The following PDXK variants were observed in gnomAD, a reference collection of about 807,000 sequenced individuals.
The protein encoded by PDXK is pyridoxal kinase.
PDXK carries 15 observed loss-of-function variants against 43.2 expected under a neutral mutation model. That is an observed-to-expected ratio of 0.35 (90% CI 0.23 to 0.53). The LOEUF (loss-of-function observed/expected upper bound fraction) is 0.53, where lower values mean the gene tolerates loss of function less well. Ranked by LOEUF, PDXK falls within the 20% of genes least tolerant of loss-of-function variation. The pLI, the probability that PDXK is intolerant of heterozygous loss-of-function variation, is 0.92. For missense variants in PDXK, 343 were observed against 417.0 expected, an observed-to-expected ratio of 0.82 and a Z score of 1.54; for synonymous variants, 172 against 165.4, an observed-to-expected ratio of 1.04 and a Z score of -0.31.
At chr21:43,726,302 T>TTA (rs2083253356) in intron 1 of PDXK, among the ~76,000 whole-genome samples, 12 of 139,850 alleles carry the variant, frequency 8.6e-5, no homozygotes. Flanking sequence ...AGACGGAGTC[T>TTA]CACTCTGTCA....
chr21:43,739,861 G>A (rs188774946), intron 2 of PDXK, among the ~76,000 whole-genome samples: 2 of 151,914 alleles, frequency 1.3e-5, no homozygotes, highest in East Asian at 3.9e-4. Flanking sequence ...AAAGGACCAG[G>A]AGGGACCATT....
Position 43,741,551 on chromosome 21 carries a change from A to G in PDXK, c.143-116A>G, listed in dbSNP as rs73375216. ...ATCTCCTTCGGGTTTGAGCCAGTCC[A>G]TGGGGAGGAGCCGTCCACCAGGCAG... On this transcript the variant is annotated intron_variant, in intron 2 of 10. Coordinates refer to ENST00000291565, the MANE Select transcript of PDXK (RefSeq NM_003681.5). The G allele has an allele frequency of 7.3e-3, 11,103 of 1,524,412 alleles. 772 individuals are homozygous for G. In the African/African-American group the frequency reaches 0.14, roughly 19 times the overall value. 94.4% of individuals were successfully genotyped at this position (1,524,412 alleles called of 1,614,324 possible).
chr21:43,753,445 C>A, intron 8 of PDXK, 138 bp from the exon 9 acceptor site: 1 of 749,008 alleles, frequency 1.3e-6, no homozygotes, highest in Non-Finnish European at 2.1e-6. Context: ...CCTGAGCCCC[C>A]ACGTCCTGAG....
rs1568978803 is a variant in PDXK, at chr21:43,737,011, C to T, written c.142+2888C>T. ...GTGAAGTGGCGCAACCAGCTCACTGCAGCCTTGACCTCCTGGGCTGAAGCA... is the reference window on the plus strand; with the variant it reads ...GTGAAGTGGCGCAACCAGCTCACTGTAGCCTTGACCTCCTGGGCTGAAGCA... On this transcript the variant is annotated intron_variant, in intron 2 of 10. Coordinates refer to ENST00000291565, the MANE Select transcript of PDXK (RefSeq NM_003681.5). This position sits in a 1 kb window ranked among gnomAD's most constrained non-coding sequence, Gnocchi z 4.8. 4.2e-6 allele frequency: 3 copies of T among 706,406 alleles called. No homozygotes were observed. Among genetic ancestry groups the T allele is most frequent in the Non-Finnish European group, 7.7e-6 (3 of 388,414 alleles). The allele number at this position is 706,406 out of a possible 1,614,324, so 43.8% of individuals were successfully genotyped here. A position where few individuals can be genotyped will look rare whatever the true frequency, so the allele number is the denominator to read the frequency against.
intron 1 of PDXK, among the ~76,000 whole-genome samples, chr21:43,729,369 C>T (rs949500012): frequency 1.3e-5 from 2 of 152,172 alleles, no homozygotes; most frequent in Non-Finnish European, 2.9e-5. Context: ...TCTTGGAGGC[C>T]GAAAGAAGGA....
chr21:43,753,030 G>C (rs1236457299), intron 8 of PDXK, among the ~76,000 whole-genome samples: 1 of 152,204 alleles, frequency 6.6e-6, no homozygotes, highest in Non-Finnish European at 1.5e-5. Context: ...TCATACCCAT[G>C]GGCCCAAAAG....
chr21:43,723,391 C>T lies in PDXK; in HGVS notation c.87+4010C>T, dbSNP rs1313419824. On this transcript the variant is annotated intron_variant, in intron 1 of 10. Transcript: ENST00000291565. This position sits in a 1 kb window ranked among gnomAD's most constrained non-coding sequence, Gnocchi z 4.1. ...GGCCAGGCTGGTCTTGAGCTCCTGACCTCAGGTGATCTGCCTGCCTCGGCC... is the reference window on the plus strand; with the variant it reads ...GGCCAGGCTGGTCTTGAGCTCCTGATCTCAGGTGATCTGCCTGCCTCGGCC... 2 of 152,062 alleles carry T rather than the reference C, an allele frequency of 1.3e-5. No homozygotes were observed. Among genetic ancestry groups the T allele is most frequent in the Non-Finnish European group, 2.9e-5 (2 of 68,040 alleles). 9.4% of individuals were successfully genotyped at this position (152,062 alleles called of 1,614,324 possible). A position where few individuals can be genotyped will look rare whatever the true frequency, so the allele number is the denominator to read the frequency against.
At position 43,732,360 on chromosome 21, in the gene PDXK, T is replaced by G; in HGVS notation, c.88-1709T>G. The G allele has an allele frequency of 6.2e-7, 1 of 1,610,828 alleles. No individual in the cohort carries two copies. On this transcript the variant is annotated intron_variant, in intron 1 of 10. Transcript: ENST00000291565. This position sits in a 1 kb window ranked among gnomAD's most constrained non-coding sequence, Gnocchi z 4.1. ...TTGTCGTCTTCTGAGTCTGGCTTTG[T>G]CTGGCACATGAAGTTGGATGGGTAG...
intron 2 of PDXK, among the ~76,000 whole-genome samples, chr21:43,740,232 A>G (rs1037599880): frequency 2.6e-5 from 4 of 152,072 alleles, no homozygotes; most frequent in African/African-American, 9.7e-5. Flanking sequence ...GGGAAAGCCA[A>G]AGGCGTCCCT....
intron 9 of PDXK, among the ~76,000 whole-genome samples, chr21:43,755,122 C>T (rs560228230): frequency 6.6e-6 from 1 of 152,330 alleles, no homozygotes; most frequent in South Asian, 2.1e-4. Context: ...GTTTGGCCAG[C>T]CCAGGGTTGT....
At chr21:43,755,125 A>AGGGTTGTGGAGTCGG (rs1358521503) in intron 9 of PDXK, among the ~76,000 whole-genome samples, 2 of 152,162 alleles carry the variant, frequency 1.3e-5, no homozygotes, top group Non-Finnish European at 2.9e-5. Flanking sequence ...TGGCCAGCCC[A>AGGGTTGTGGAGTCGG]GGGTTGTGGA....
At chr21:43,728,975 T>C (rs2083282635) in intron 1 of PDXK, 4 of 985,516 alleles carry the variant, frequency 4.1e-6, no homozygotes, top group Non-Finnish European at 4.8e-6. Flanking sequence ...CTGACTGGCT[T>C]TCTCTCTCGG....
rs915355571 is a variant in PDXK, at chr21:43,758,576, C to G, written c.*2513C>G. The G allele has an allele frequency of 2.0e-5, 3 of 153,730 alleles. No individual in the cohort carries two copies. The highest frequency in any genetic ancestry group is 7.2e-5 in the African/African-American group (3 of 41,466). The allele number at this position is 153,730 out of a possible 1,614,324, so 9.5% of individuals were successfully genotyped here. A position where few individuals can be genotyped will look rare whatever the true frequency, so the allele number is the denominator to read the frequency against. ...TCTCTCCTGACTTCGGCAGAGGCCC[C>G]TGGTGGCCTTCAGTTTCAGTTTCTC... On this transcript the variant is annotated 3_prime_UTR_variant, in exon 11 of 11. Coordinates refer to ENST00000291565, the MANE Select transcript of PDXK (RefSeq NM_003681.5).
At chr21:43,719,555 G>A (rs968968238) in intron 1 of PDXK, 174 bp downstream of exon 1, 3 of 969,220 alleles carry the variant, frequency 3.1e-6, no homozygotes, top group African/African-American at 1.8e-5. Context: ...GGCTTGCGGG[G>A]GCGGAAGCGG....
chr21:43,741,711 C>A lies in PDXK; in HGVS notation c.187C>A (p.Gln63Lys), dbSNP rs1217833191. 2 of 1,613,176 alleles carry A rather than the reference C, an allele frequency of 1.2e-6. No homozygotes were observed. The highest frequency in any genetic ancestry group is 1.7e-5 in the Admixed American group (1 of 59,966). ...CCAAGTGCTGAATTCAGATGAGCTC[C>A]AGGAGTTGTACGAAGGCCTGAGGCT... is the stretch of plus-strand genomic sequence containing the variant. ...KGQVLNSDEL[Q>K]ELYEGLRLNN... Residue 63 changes from glutamine to lysine, a missense_variant, in exon 3 of 11, where the codon CAG (glutamine) becomes AAG (lysine). Gln to Lys is a moderately conservative substitution (Grantham distance 53). Transcript: ENST00000291565.
chr21:43,719,726 C>T (rs2083190951), intron 1 of PDXK: 5 of 985,416 alleles, frequency 5.1e-6, no homozygotes, highest in Non-Finnish European at 6.0e-6. Context: ...CGGTGCGGCT[C>T]CCGGAGGCGA....
In PDXK at chr21:43,756,152, G is replaced by T; in HGVS notation, c.*89G>T. 1.4e-6 allele frequency: 1 copy of T among 720,912 alleles called. No individual in the cohort carries two copies. The highest frequency in any genetic ancestry group is 1.7e-5 in the South Asian group (1 of 57,962). 44.7% of individuals were successfully genotyped at this position (720,912 alleles called of 1,614,324 possible). A position where few individuals can be genotyped will look rare whatever the true frequency, so the allele number is the denominator to read the frequency against. On this transcript the variant is annotated 3_prime_UTR_variant, in exon 11 of 11. Transcript: ENST00000291565. ...CATGTAACGTCTGCCTTAGAGCCAT[G>T]ACCGAAACTTGATATTTTTTTCTTT...
chr21:43,740,260 A>G (rs2083473140), intron 2 of PDXK, among the ~76,000 whole-genome samples: 1 of 152,072 alleles, frequency 6.6e-6, no homozygotes, highest in South Asian at 2.1e-4. Flanking sequence ...GGAGCCAGCG[A>G]CTGGTACGCA....
At position 43,740,504 on chromosome 21, in the gene PDXK, C is replaced by T. The variant is rs137858781; in HGVS notation, c.143-1163C>T. ...AGGCCGGGAGCCCCTCGATGTGAGG[C>T]GTTTCTCATGGGCGAATGTGGGGTA... On this transcript the variant is annotated intron_variant, in intron 2 of 10. Coordinates refer to ENST00000291565, the MANE Select transcript of PDXK (RefSeq NM_003681.5). Among the ~76,000 whole-genome samples, 25 of 152,102 alleles carry T rather than the reference C, an allele frequency of 1.6e-4. No homozygotes were observed. In the East Asian group the frequency reaches 1.9e-3, roughly 12 times the overall value.
Sources: allele counts gnomAD v4.1 joint callset (sites outside exome capture counted in the v4.1 genomes callset), GRCh38; gene constraint gnomAD v4.1.1; non-coding constraint Gnocchi (gnomAD v3.1); transcripts MANE v1.5; gene names NCBI Gene and HGNC (gene_info 2026-07-23, HGNC 2026-07-21).